SGIP1: variants seen among roughly 807,000 people sequenced by gnomAD.
SGIP1 encodes SH3GL interacting endocytic adaptor 1.
Under a neutral mutation model 107.5 loss-of-function variants are expected in SGIP1, and 38 were observed. The ratio of observed to expected loss-of-function variants is 0.35; its 90% CI spans 0.27 to 0.46. SGIP1 has a LOEUF of 0.46. SGIP1 is among the 20% of genes least tolerant of loss of function. The pLI is 1.00. For synonymous variants in SGIP1, 365 were observed against 366.1 expected (o/e 1.00, Z 0.03); for missense variants, 929 against 1,019.5 (o/e 0.91, Z 1.21).
In SGIP1 at chr1:66,725,561, A is replaced by G. The variant is rs530047653; in HGVS notation, c.1743-3703A>G. Reference sequence around the variant, plus strand: ...ACTTTAAGCATTTACTGTGTCCCAAAGAAGAATAAAATCCTTGTGAAATTT... The same window carrying G: ...ACTTTAAGCATTTACTGTGTCCCAAGGAAGAATAAAATCCTTGTGAAATTT... On this transcript the variant is annotated intron_variant, in intron 19 of 24. Coordinates refer to ENST00000371037, the MANE Select transcript of SGIP1 (RefSeq NM_032291.4). Among the ~76,000 whole-genome samples, 7 of 152,370 alleles carry G rather than the reference A, an allele frequency of 4.6e-5. No individual in the cohort carries two copies. In the South Asian group the frequency reaches 1.4e-3, roughly 32 times the overall value.
At chr1:66,707,216 G>A (rs1387150667) in intron 18 of SGIP1, among the ~76,000 whole-genome samples, 1 of 152,098 alleles carries the variant, frequency 6.6e-6, no homozygotes, top group Non-Finnish European at 1.5e-5. Flanking sequence ...TTTGTCAAGT[G>A]TAGAAAAGCA....
chr1:66,732,612 T>G (rs1345197286), intron 20 of SGIP1, among the ~76,000 whole-genome samples: 3 of 152,170 alleles, frequency 2.0e-5, no homozygotes, highest in Non-Finnish European at 4.4e-5. Flanking sequence ...GCCCTGGTGT[T>G]TTTTACTCAG....
intron 7 of SGIP1, among the ~76,000 whole-genome samples, chr1:66,655,597 C>T (rs1168218122): frequency 6.6e-6 from 1 of 152,212 alleles, no homozygotes; most frequent in African/African-American, 2.4e-5. Context: ...CACACCTAGG[C>T]TGCATGGTAT....
intron 1 of SGIP1, among the ~76,000 whole-genome samples, chr1:66,592,003 A>G (rs1342227824): frequency 6.6e-6 from 1 of 152,204 alleles, no homozygotes; most frequent in Non-Finnish European, 1.5e-5. Context: ...ATCTCAGTAA[A>G]TAGAATGCAC....
chr1:66,613,722 C>G (rs865831196), intron 1 of SGIP1, among the ~76,000 whole-genome samples: 11 of 152,148 alleles, frequency 7.2e-5, no homozygotes, highest in African/African-American at 2.7e-4. Flanking sequence ...TCAAACACCA[C>G]GCAATAATGC....
intron 1 of SGIP1, among the ~76,000 whole-genome samples, chr1:66,615,410 G>C (rs778002289): frequency 6.6e-6 from 1 of 152,296 alleles, no homozygotes; most frequent in Middle Eastern, 3.4e-3. Flanking sequence ...TGGAATTACA[G>C]GTGTGAGCCA....
At chr1:66,533,637 G>A (rs920725095), upstream of SGIP1, 2 of 152,310 alleles carry the variant, frequency 1.3e-5, no homozygotes, top group African/African-American at 4.8e-5. Flanking sequence ...GATGTGCACG[G>A]AGGCCACAGA....
intron 17 of SGIP1, among the ~76,000 whole-genome samples, chr1:66,691,386 C>A (rs1379231987): frequency 6.6e-6 from 1 of 152,150 alleles, no homozygotes; most frequent in East Asian, 1.9e-4. Context: ...TTAAGGCCCC[C>A]AAAGGGAATT....
rs535517416 is a variant in SGIP1 at position 66,606,219 on chromosome 1, C to A, written c.11-19628C>A. Among the ~76,000 whole-genome samples, 6 of 152,212 alleles carry A rather than the reference C, an allele frequency of 3.9e-5. No individual in the cohort carries two copies. The East Asian group carries it at 1.2e-3, about 29-fold the overall frequency. ...TTAATCTCTCAGAACCTCTGGCTAC[C>A]CACATGTAAAAAGCGCATGGATAAT... is the stretch of plus-strand genomic sequence containing the variant. On this transcript the variant is annotated intron_variant, in intron 1 of 24. Transcript: ENST00000371037.
At chr1:66,650,060 G>C (rs917208657) in intron 7 of SGIP1, among the ~76,000 whole-genome samples, 1 of 152,128 alleles carries the variant, frequency 6.6e-6, no homozygotes, top group South Asian at 2.1e-4. Context: ...TTGCTATAGA[G>C]CCTAGGGCAC....
At chr1:66,702,080 G>C (rs996483959) in intron 18 of SGIP1, among the ~76,000 whole-genome samples, 14 of 152,114 alleles carry the variant, frequency 9.2e-5, no homozygotes, top group African/African-American at 3.1e-4. Flanking sequence ...CCCTTAATAC[G>C]GGCTACATTC....
intron 17 of SGIP1, among the ~76,000 whole-genome samples, chr1:66,694,155 G>C (rs1270262949): frequency 1.3e-5 from 2 of 151,864 alleles, no homozygotes; most frequent in East Asian, 3.9e-4. Flanking sequence ...CCCAGAGAAG[G>C]TGGGGCATGA....
chr1:66,606,242 A>G (rs1428729548), intron 1 of SGIP1, among the ~76,000 whole-genome samples: 3 of 152,248 alleles, frequency 2.0e-5, no homozygotes, highest in Admixed American at 1.3e-4. Flanking sequence ...GCGCATGGAT[A>G]ATACCTATCC....
intron 9 of SGIP1, among the ~76,000 whole-genome samples, chr1:66,669,569 T>A (rs754106178): frequency 6.6e-6 from 1 of 152,256 alleles, no homozygotes; most frequent in Non-Finnish European, 1.5e-5. Flanking sequence ...ATTTCTGTTA[T>A]CTAATCATTT....
At chr1:66,668,850 A>G (rs960614595) in intron 9 of SGIP1, among the ~76,000 whole-genome samples, 1 of 152,224 alleles carries the variant, frequency 6.6e-6, no homozygotes, top group African/African-American at 2.4e-5. Flanking sequence ...TACATATAAC[A>G]ACAAACAAGC....
intron 7 of SGIP1, among the ~76,000 whole-genome samples, chr1:66,646,039 C>A (rs1049606686): frequency 4.6e-5 from 7 of 152,098 alleles, no homozygotes; most frequent in Non-Finnish European, 8.8e-5. Context: ...CAGTGTTTCA[C>A]CACATTGGCC....
intron 21 of SGIP1, among the ~76,000 whole-genome samples, chr1:66,738,937 C>A (rs2094355714): frequency 1.3e-5 from 2 of 152,040 alleles, no homozygotes; most frequent in Admixed American, 1.3e-4. Flanking sequence ...GTTGTAATTC[C>A]CATTTAGCGG....
chr1:66,728,245 C>A (rs1557774503), intron 19 of SGIP1, among the ~76,000 whole-genome samples: 1 of 152,094 alleles, frequency 6.6e-6, no homozygotes, highest in Non-Finnish European at 1.5e-5. Flanking sequence ...CTAAGTAAGA[C>A]AAGTCCAGGA....
intron 15 of SGIP1, among the ~76,000 whole-genome samples, chr1:66,682,883 T>C (rs568197947): frequency 1.3e-5 from 2 of 152,112 alleles, no homozygotes; most frequent in South Asian, 4.2e-4. Flanking sequence ...ACCCCTCTAA[T>C]TTCTTTAAAA....
Sources: gnomAD v4.1 joint callset for allele counts (sites outside exome capture counted in the v4.1 genomes callset) on GRCh38, gnomAD v4.1.1 for gene constraint, MANE v1.5 for transcripts, NCBI Gene and HGNC (gene_info 2026-07-23, HGNC 2026-07-21) for gene names.